Variants in ADGRA2 observed in about 807,000 individuals in gnomAD.
ADGRA2 encodes adhesion G protein-coupled receptor A2.
ADGRA2 carries 61 observed loss-of-function variants against 98.7 expected under a neutral mutation model. That is an observed-to-expected ratio of 0.62 (90% CI 0.50 to 0.76). The LOEUF is 0.76. ADGRA2 is among the 30% of genes least tolerant of loss of function. The probability of loss-of-function intolerance (pLI) is 0.00; values close to 1 mark genes in which losing one functional copy is unlikely to be tolerated. For missense variants in ADGRA2, 1,712 were observed against 1,860.0 expected (o/e 0.92, Z 1.46); for synonymous variants, 858 against 831.5 (o/e 1.03, Z -0.55).
intron 1 of ADGRA2, among the ~76,000 whole-genome samples, chr8:37,801,901 C>T (rs1469662265): frequency 6.6e-6 from 1 of 152,220 alleles, no homozygotes; most frequent in East Asian, 1.9e-4. Context: ...GGATCTGAGC[C>T]CTTTTGACCT....
Position 37,797,853 on chromosome 8 carries a change from G to A in ADGRA2, c.266+319G>A, listed in dbSNP as rs557840088. Among the ~76,000 whole-genome samples, 34 of 152,368 alleles carry A rather than the reference G, an allele frequency of 2.2e-4. No homozygotes were observed. The highest frequency in any genetic ancestry group is 4.3e-4 in the Non-Finnish European group (29 of 68,042). ...CGCCCCGGATTTCCAGCCTGGACTA[G>A]GGTTGCGGACTTTGGGGACCTGAGA... On this transcript the variant is annotated intron_variant, in intron 1 of 18. Coordinates refer to ENST00000412232, the MANE Select transcript of ADGRA2 (RefSeq NM_032777.10). This position sits in a 1 kb window ranked among gnomAD's most constrained non-coding sequence, Gnocchi z 5.3.
Position 37,834,681 on chromosome 8 carries a change from G to A in ADGRA2, c.1609-493G>A, listed in dbSNP as rs1318802457. On this transcript the variant is annotated intron_variant, in intron 11 of 18. Transcript: ENST00000412232. The surrounding 1 kb of genome is among the most constrained non-coding windows in gnomAD (Gnocchi z 4.2). ...GGCCGATACAGGAGGATCTCCCAAG[G>A]CCAGGAGTTGGAGACCAGCCTGGGC... is the stretch of plus-strand genomic sequence containing the variant. Among the ~76,000 whole-genome samples the A allele has an allele frequency of 6.6e-6, 1 of 152,200 alleles. No homozygotes were observed. Among genetic ancestry groups the A allele is most frequent in the Admixed American group, 6.5e-5 (1 of 15,298 alleles).
In ADGRA2 at chr8:37,833,359, C is replaced by T. The variant is rs181257785; in HGVS notation, c.1296+151C>T. 4.7e-5 allele frequency: 32 copies of T among 681,562 alleles called. No homozygotes were observed. In the African/African-American group the frequency reaches 5.1e-4, roughly 11 times the overall value. The allele number at this position is 681,562 out of a possible 1,614,324, so 42.2% of individuals were successfully genotyped here. On this transcript the variant is annotated intron_variant, in intron 9 of 18. Transcript: ENST00000412232. ...GCAGAGCCAGGAGCCGGCTCCTCTC[C>T]TCCAGCCGCCCTCTGCTATTCAGAC...
chr8:37,811,283 C>T (rs1419619299), intron 1 of ADGRA2, among the ~76,000 whole-genome samples: 13 of 148,822 alleles, frequency 8.7e-5, no homozygotes, highest in Non-Finnish European at 1.5e-4. Context: ...GATTCTCCTG[C>T]CTCAGCCTCC....
At chr8:37,811,112 T>TCAAAAA (rs1302996368) in intron 1 of ADGRA2, among the ~76,000 whole-genome samples, 1 of 88,466 alleles carries the variant, frequency 1.1e-5, no homozygotes, top group African/African-American at 4.7e-5. Flanking sequence ...AGACTCTGTC[T>TCAAAAA]CAAAAACAAA....
intron 5 of ADGRA2, 85 bp downstream of exon 5, chr8:37,829,644 G>A: frequency 9.1e-7 from 1 of 1,097,570 alleles, no homozygotes; most frequent in Non-Finnish European, 1.4e-6. Flanking sequence ...TGACCACCAG[G>A]ACTGGTCTCA....
chr8:37,833,304 C>G (rs562666971), intron 9 of ADGRA2, 96 bp downstream of exon 9: 1 of 1,002,094 alleles, frequency 1.0e-6, no homozygotes, highest in Non-Finnish European at 1.5e-6. Context: ...ATCTCCGGGC[C>G]GCTGGGCTGT....
At chr8:37,832,892 C>A in intron 8 of ADGRA2, 118 bp from the exon 9 acceptor site, 1 of 756,734 alleles carries the variant, frequency 1.3e-6, no homozygotes, top group Non-Finnish European at 2.2e-6. Context: ...GTCTGAACCC[C>A]GCTCCTGGAT....
intron 9 of ADGRA2, among the ~76,000 whole-genome samples, chr8:37,833,479 C>G (rs1368004894): frequency 2.0e-5 from 3 of 152,236 alleles, no homozygotes; most frequent in Non-Finnish European, 2.9e-5. Context: ...CAGAGTCCCA[C>G]TGTCCTTACA....
In ADGRA2 at chr8:37,844,270, C is replaced by A; in HGVS notation, c.*1915C>A. The A allele has an allele frequency of 1.7e-6, 1 of 575,698 alleles. No homozygotes were observed. The highest frequency in any genetic ancestry group is 3.1e-6 in the Non-Finnish European group (1 of 322,206). The allele number at this position is 575,698 out of a possible 1,614,324, so 35.7% of individuals were successfully genotyped here. On this transcript the variant is annotated 3_prime_UTR_variant, in exon 19 of 19. Coordinates refer to ENST00000412232, the MANE Select transcript of ADGRA2 (RefSeq NM_032777.10). ...ACAGAACATGGACATAGGCAACTTG[C>A]TCTCCCACACCAAGGGATGGGAATC...
intron 2 of ADGRA2, among the ~76,000 whole-genome samples, chr8:37,828,422 G>A (rs1010136846): frequency 2.6e-5 from 4 of 150,968 alleles, no homozygotes; most frequent in African/African-American, 9.8e-5. Context: ...TCTCTGTTCT[G>A]ACCAGTGCCC....
In ADGRA2 at chr8:37,797,214, C is replaced by A; in HGVS notation, c.-55C>A. ...CTCCTCCCGCACGCCTGGGTCCCTC[C>A]GGCCGGCGCGCAGCCCGGCCCCAGC... On this transcript the variant is annotated 5_prime_UTR_variant, in exon 1 of 19. Coordinates refer to ENST00000412232, the MANE Select transcript of ADGRA2 (RefSeq NM_032777.10). This position sits in a 1 kb window ranked among gnomAD's most constrained non-coding sequence, Gnocchi z 5.3. 1 of 1,189,988 alleles carries A rather than the reference C, an allele frequency of 8.4e-7. No individual in the cohort carries two copies. The highest frequency in any genetic ancestry group is 1.0e-6 in the Non-Finnish European group (1 of 959,494). 73.7% of individuals were successfully genotyped at this position (1,189,988 alleles called of 1,614,324 possible).
At position 37,844,332 on chromosome 8, in the gene ADGRA2, A is replaced by T; in HGVS notation, c.*1977A>T. On this transcript the variant is annotated 3_prime_UTR_variant, in exon 19 of 19. Coordinates refer to ENST00000412232, the MANE Select transcript of ADGRA2 (RefSeq NM_032777.10). Reference sequence around the variant, plus strand: ...TAGTCATCCCTGCACTCCTGACTTTACTCCAGGACCCAGGGTCCAACTAAT... The same window carrying T: ...TAGTCATCCCTGCACTCCTGACTTTTCTCCAGGACCCAGGGTCCAACTAAT... 2.3e-6 allele frequency: 2 copies of T among 883,700 alleles called. No homozygotes were observed. The highest frequency in any genetic ancestry group is 3.5e-6 in the Non-Finnish European group (2 of 575,178). 54.7% of individuals were successfully genotyped at this position (883,700 alleles called of 1,614,324 possible).
rs1271200028 is a variant in ADGRA2, at chr8:37,841,964, C to T, written c.3626C>T (p.Ala1209Val). 6.7e-7 allele frequency: 1 copy of T among 1,500,466 alleles called. No individual in the cohort carries two copies. Among genetic ancestry groups the T allele is most frequent in the Non-Finnish European group, 8.8e-7 (1 of 1,133,688 alleles). 92.9% of individuals were successfully genotyped at this position (1,500,466 alleles called of 1,614,324 possible). A position where few individuals can be genotyped will look rare whatever the true frequency, so the allele number is the denominator to read the frequency against. Reference protein sequence around the residue: ...NRLKALRGGAAGALELLSSES... With the variant: ...NRLKALRGGAVGALELLSSES... ...CTCAAGGCCCTGCGCGGGGGCGCGG[C>T]GGGGGCGCTGGAGCTGCTGTCCAGC... Residue 1209 changes from alanine to valine, a missense_variant, in exon 19 of 19, where the codon GCG (alanine) becomes GTG (valine). Transcript: ENST00000412232. The surrounding 1 kb of genome is among the most constrained non-coding windows in gnomAD (Gnocchi z 5.0).
At chr8:37,829,780 T>C in intron 5 of ADGRA2, 71 bp from the exon 6 acceptor site, 1 of 1,501,956 alleles carries the variant, frequency 6.7e-7, no homozygotes, top group Non-Finnish European at 9.1e-7. Flanking sequence ...CATCCCTCCC[T>C]GGGGCCCCAG....
At chr8:37,810,487 A>G (rs146795426) in intron 1 of ADGRA2, among the ~76,000 whole-genome samples, 8,735 of 151,844 alleles carry the variant, frequency 0.058, 897 homozygotes, top group African/African-American at 0.2. Context: ...CCAGCCTGGC[A>G]ACAGAGCAAG....
In ADGRA2 at chr8:37,841,327, AG is replaced by A; in HGVS notation, c.2990del (p.Ser997ThrfsTer23). The part of the protein sequence containing the change: ...SDSGSLLATG[S>X]ARVGTPGPPE... ...CTCAGGTTCCCTTCTTGCTACTGGG[AG>A]CGCGCGAGTGGGGACGCCCGGGCCC... On this transcript the variant is annotated frameshift_variant, in exon 19 of 19. Transcript: ENST00000412232. LOFTEE classifies it low-confidence loss of function (END_TRUNC). This position sits in a 1 kb window ranked among gnomAD's most constrained non-coding sequence, Gnocchi z 5.0. 1.2e-6 allele frequency: 2 copies of A among 1,606,444 alleles called. No homozygotes were observed. The highest frequency in any genetic ancestry group is 1.7e-6 in the Non-Finnish European group (2 of 1,176,758).
chr8:37,838,611 C>T, intron 14 of ADGRA2, among the ~76,000 whole-genome samples: 1 of 152,208 alleles, frequency 6.6e-6, no homozygotes, highest in Non-Finnish European at 1.5e-5. Context: ...CCTTCCTGGT[C>T]ACCCCCTCCC....
chr8:37,828,853 G>A, intron 2 of ADGRA2, 35 bp from the exon 3 acceptor site: 1 of 1,563,564 alleles, frequency 6.4e-7, no homozygotes, highest in Non-Finnish European at 8.7e-7. Flanking sequence ...CTCCAGCGGG[G>A]AGAGGTGTGA....
Sources: gnomAD v4.1 joint callset for allele counts (sites outside exome capture counted in the v4.1 genomes callset) on GRCh38, gnomAD v4.1.1 for gene constraint, Gnocchi (gnomAD v3.1) non-coding constraint, MANE v1.5 for transcripts, NCBI Gene and HGNC (gene_info 2026-07-23, HGNC 2026-07-21) for gene names.